Variants in RECQL5 observed in about 807,000 individuals in gnomAD.
RECQL5 encodes the protein RecQ like helicase 5, also known as ATP-dependent DNA helicase Q5.
Under a neutral mutation model 103.4 loss-of-function variants are expected in RECQL5, and 88 were observed. The observed-to-expected ratio is 0.85, with a 90% CI of 0.72 to 1.02. The LOEUF is 1.02. RECQL5 is among the 50% of genes least tolerant of loss of function. The pLI, the probability that RECQL5 is intolerant of heterozygous loss-of-function variation, is 0.00. For synonymous variants in RECQL5, 552 were observed against 507.9 expected (o/e 1.09, Z -1.17); for missense variants, 1,232 against 1,284.3 (o/e 0.96, Z 0.62).
intron 8 of RECQL5, chr17:75,641,013 T>A (rs2059426850): frequency 6.8e-7 from 1 of 1,469,366 alleles, no homozygotes; most frequent in African/African-American, 1.4e-5. Flanking sequence ...TGGCCCCAGC[T>A]CTGGCCCAGC....
intron 18 of RECQL5, 33 bp downstream of exon 18, chr17:75,628,185 T>G: frequency 1.3e-6 from 2 of 1,515,642 alleles, no homozygotes; most frequent in Non-Finnish European, 1.8e-6. Context: ...ACCCCAGGCA[T>G]GGGAGAAGGC....
At chr17:75,643,268 C>G (rs2059453587) in intron 8 of RECQL5, among the ~76,000 whole-genome samples, 1 of 152,234 alleles carries the variant, frequency 6.6e-6, no homozygotes, top group Admixed American at 6.5e-5. Flanking sequence ...TAAGAATAGC[C>G]CTGCTCCAGG....
In RECQL5 at chr17:75,658,491, G is replaced by T. The variant is rs1159539956; in HGVS notation, c.987-31C>A. 4 of 1,606,756 alleles carry T rather than the reference G, an allele frequency of 2.5e-6. No individual in the cohort carries two copies. In the South Asian group the frequency reaches 4.4e-5, roughly 18 times the overall value. Reference sequence around the variant, plus strand: ...GGATCCAAAGGGACAAGCAGCATGAGATGGTGGAGAAGCTGAGTGTCCTTT... The same window carrying T: ...GGATCCAAAGGGACAAGCAGCATGATATGGTGGAGAAGCTGAGTGTCCTTT... On this transcript the variant is annotated intron_variant, in intron 6 of 19. Transcript: ENST00000317905.
chr17:75,642,620 T>TGATGACGATGATCATGAGGAGGAG (rs571705878), intron 8 of RECQL5, among the ~76,000 whole-genome samples: 1,529 of 152,316 alleles, frequency 0.01, 22 homozygotes, highest in African/African-American at 0.034. Flanking sequence ...GGATTCAGAA[T>TGATGACGATGATCATGAGGAGGAG]GATGACGATG....
Position 75,640,475 on chromosome 17 carries a change from C to A in RECQL5, c.1230-8807G>T. On this transcript the variant is annotated intron_variant, in intron 8 of 19. Transcript: ENST00000317905. This position sits in a 1 kb window ranked among gnomAD's most constrained non-coding sequence, Gnocchi z 4.6. ...TTGTCCCTTGGGGGAAGCCAAGGGACTTCCCTCATCCTCTGATATGCTGCT... is the reference window on the plus strand; with the variant it reads ...TTGTCCCTTGGGGGAAGCCAAGGGAATTCCCTCATCCTCTGATATGCTGCT... 1 of 1,310,572 alleles carries A rather than the reference C, an allele frequency of 7.6e-7. No individual in the cohort carries two copies. The highest frequency in any genetic ancestry group is 1.0e-6 in the Non-Finnish European group (1 of 982,604). The allele number at this position is 1,310,572 out of a possible 1,614,324, so 81.2% of individuals were successfully genotyped here.
In RECQL5 at chr17:75,633,469, A is replaced by G. The variant is rs763335441; in HGVS notation, c.1230-1801T>C. On this transcript the variant is annotated intron_variant, in intron 8 of 19. Coordinates refer to ENST00000317905, the MANE Select transcript of RECQL5 (RefSeq NM_004259.7). ...GCAGAAGGCCCTCACCTCACAAGGA[A>G]CATGAGGCGCCTTGCCGGGCGCGCA... 13 of 1,289,020 alleles carry G rather than the reference A, an allele frequency of 1.0e-5. 1 individual carries two copies. The South Asian group carries it at 1.6e-4, about 16-fold the overall frequency. The allele number at this position is 1,289,020 out of a possible 1,614,324, so 79.8% of individuals were successfully genotyped here.
rs1383545038 is a variant in RECQL5, at chr17:75,665,046, C to T, written c.252+5G>A. ...GGCTACCATCTTCATTGCCCTAAGCCTCACCTGAATCAAAGCAATGAGAGG... is the reference window on the plus strand; with the variant it reads ...GGCTACCATCTTCATTGCCCTAAGCTTCACCTGAATCAAAGCAATGAGAGG... On this transcript the variant is annotated splice_donor_5th_base_variant and intron_variant, in intron 3 of 19. Coordinates refer to ENST00000317905, the MANE Select transcript of RECQL5 (RefSeq NM_004259.7). 2 of 1,587,982 alleles carry T rather than the reference C, an allele frequency of 1.3e-6. No homozygotes were observed. The highest frequency in any genetic ancestry group is 1.8e-5 in the Admixed American group (1 of 54,294).
Position 75,627,528 on chromosome 17 carries a change from G to C in RECQL5, c.2876-6C>G. On this transcript the variant is annotated splice_region_variant and splice_polypyrimidine_tract_variant and intron_variant, in intron 19 of 19. Coordinates refer to ENST00000317905, the MANE Select transcript of RECQL5 (RefSeq NM_004259.7). ...GTTCTGGGCCTCTTCTTTCACTACAGATTCAGGGTGGGGGCATGAGGAGGT... is the reference window on the plus strand; with the variant it reads ...GTTCTGGGCCTCTTCTTTCACTACACATTCAGGGTGGGGGCATGAGGAGGT... 6.2e-7 allele frequency: 1 copy of C among 1,613,704 alleles called. No homozygotes were observed. Among genetic ancestry groups the C allele is most frequent in the South Asian group, 1.1e-5 (1 of 91,082 alleles).
chr17:75,657,694 C>T (rs1420610555), intron 7 of RECQL5, among the ~76,000 whole-genome samples: 1 of 150,194 alleles, frequency 6.7e-6, no homozygotes, highest in African/African-American at 2.5e-5. Flanking sequence ...TGCTGTGAAC[C>T]ATGACTATGC....
chr17:75,658,295 T>A lies in RECQL5; in HGVS notation c.1149+3A>T. On this transcript the variant is annotated splice_donor_region_variant and intron_variant, in intron 7 of 19. Transcript: ENST00000317905. ...GAAAGACCTTCTACTGCCCAAGCCT[T>A]ACCTGGAGTTTTGCTACTTCCTTCC... 6.2e-7 allele frequency: 1 copy of A among 1,613,204 alleles called. No homozygotes were observed. Among genetic ancestry groups the A allele is most frequent in the Non-Finnish European group, 8.5e-7 (1 of 1,179,468 alleles).
At position 75,629,086 on chromosome 17, in the gene RECQL5, T is replaced by A. The variant is rs1162121421; in HGVS notation, c.2337A>T (p.Ala779=). 1 of 1,613,336 alleles carries A rather than the reference T, an allele frequency of 6.2e-7. No homozygotes were observed. Among genetic ancestry groups the A allele is most frequent in the Admixed American group, 1.7e-5 (1 of 60,004 alleles). ...CRRVESPALL[A]SAPEAEGACP... ...AGGCACCTTCTGCCTCTGGGGCTGA[T>A]GCCAGCAGAGCTGGGCTTTCCACCC... is the stretch of plus-strand genomic sequence containing the variant. Residue 779 remains alanine, a synonymous_variant, in exon 16 of 20, where the codon GCA becomes GCT. Coordinates refer to ENST00000317905, the MANE Select transcript of RECQL5 (RefSeq NM_004259.7).
intron 2 of RECQL5, 43 bp from the exon 3 acceptor site, chr17:75,665,215 T>G (rs753820968): frequency 8.9e-6 from 14 of 1,570,138 alleles, no homozygotes; most frequent in Non-Finnish European, 1.2e-5. Flanking sequence ...CTTCCTGCCT[T>G]TTCATTGAAG....
Position 75,640,302 on chromosome 17 carries a change from C to A in RECQL5, c.1230-8634G>T, listed in dbSNP as rs1243866724. On this transcript the variant is annotated intron_variant, in intron 8 of 19. Transcript: ENST00000317905. The surrounding 1 kb of genome is among the most constrained non-coding windows in gnomAD (Gnocchi z 4.6). ...CAGGCTGAGCCCGTGGAGATCGTGG[C>A]CTTCTCAGTCATCATCCTTTTCACA... 1.3e-6 allele frequency: 2 copies of A among 1,550,144 alleles called. No individual in the cohort carries two copies. The highest frequency in any genetic ancestry group is 1.7e-6 in the Non-Finnish European group (2 of 1,146,362).
Position 75,631,744 on chromosome 17 carries a change from G to A in RECQL5, c.1230-76C>T, listed in dbSNP as rs1006472886. The A allele has an allele frequency of 2.8e-5, 41 of 1,464,094 alleles. No individual in the cohort carries two copies. In the African/African-American group the frequency reaches 3.1e-4, roughly 11 times the overall value. 90.7% of individuals were successfully genotyped at this position (1,464,094 alleles called of 1,614,324 possible). ...GCGTCTGTTCACCCGAGCCTGAATC[G>A]CTAGCTGAGCGAGCACTGCCGCGTC... On this transcript the variant is annotated intron_variant, in intron 8 of 19. Transcript: ENST00000317905.
In RECQL5 at chr17:75,630,628, G is replaced by T. The variant is rs760175418; in HGVS notation, c.1709C>A (p.Thr570Asn). The T allele has an allele frequency of 6.2e-7, 1 of 1,613,650 alleles. No homozygotes were observed. Among genetic ancestry groups the T allele is most frequent in the Admixed American group, 1.7e-5 (1 of 60,008 alleles). The change falls in exon 13 of 20, where the codon ACC (threonine) becomes AAC (asparagine). Residue 570 changes from threonine (T) to asparagine (N), a missense_variant. By Grantham distance (65) the Thr-to-Asn change is moderately conservative. Transcript: ENST00000317905. ...TGATCGTGGAACTCACTCATCAGCGGTACGTGTTGACTGGCGGTTGCTGCT... is the reference window on the plus strand; with the variant it reads ...TGATCGTGGAACTCACTCATCAGCGTTACGTGTTGACTGGCGGTTGCTGCT... ...ALSSNRQSTR[T>N]ADEADLRAKA...
Position 75,662,904 on chromosome 17 carries a change from G to A in RECQL5, c.346C>T (p.Leu116=). 6.2e-7 allele frequency: 1 copy of A among 1,614,168 alleles called. No homozygotes were observed. Among genetic ancestry groups the A allele is most frequent in the Non-Finnish European group, 8.5e-7 (1 of 1,180,040 alleles). ...AQERKELLAD[L]EREKPQTKIL... Reference sequence around the variant, plus strand: ...TTGGTCTGGGGCTTTTCTCGCTCCAGGTCAGCAAGCAGCTCCTTCCTTTCC... The same window carrying A: ...TTGGTCTGGGGCTTTTCTCGCTCCAAGTCAGCAAGCAGCTCCTTCCTTTCC... The change falls in exon 4 of 20, where the codon CTG becomes TTG. Residue 116 remains leucine, a synonymous_variant. Transcript: ENST00000317905.
At chr17:75,663,338 T>A (rs965054362) in intron 3 of RECQL5, among the ~76,000 whole-genome samples, 1 of 151,992 alleles carries the variant, frequency 6.6e-6, no homozygotes, top group African/African-American at 2.4e-5. Flanking sequence ...TTTTAATAAT[T>A]TTGACATGAC....
chr17:75,628,156 A>AC, intron 18 of RECQL5, 62 bp downstream of exon 18: 1 of 1,323,466 alleles, frequency 7.6e-7, no homozygotes. Context: ...CCTGCCTCCC[A>AC]CCCCCACTAC....
At chr17:75,661,514 G>T in intron 5 of RECQL5, 92 bp downstream of exon 5, 2 of 837,024 alleles carry the variant, frequency 2.4e-6, no homozygotes, top group Non-Finnish European at 4.0e-6. Context: ...TAAGATGGTG[G>T]GTCACCTGAT....
Sources: gnomAD v4.1 joint callset for allele counts (sites outside exome capture counted in the v4.1 genomes callset) on GRCh38, gnomAD v4.1.1 for gene constraint, Gnocchi (gnomAD v3.1) non-coding constraint, MANE v1.5 for transcripts, NCBI Gene and HGNC (gene_info 2026-07-23, HGNC 2026-07-21) for gene names.